The following MAGI2 variants were observed in gnomAD, a reference collection of about 807,000 sequenced individuals.
MAGI2 encodes the protein membrane-associated guanylate kinase, WW and PDZ domain-containing protein 2.
Under a neutral mutation model 133.3 loss-of-function variants are expected in MAGI2, and 35 were observed. That is an observed-to-expected ratio of 0.26 (90% CI 0.20 to 0.35). The LOEUF is 0.35. Ranked by LOEUF, MAGI2 falls within the 10% of genes least tolerant of loss-of-function variation. The pLI is 1.00. For synonymous variants in MAGI2, 729 were observed against 710.6 expected (o/e 1.03, Z -0.41); for missense variants, 1,636 against 1,863.4 (o/e 0.88, Z 2.25).
intron 10 of MAGI2, among the ~76,000 whole-genome samples, chr7:78,237,223 T>A (rs1159610254): frequency 1.3e-5 from 2 of 152,198 alleles, no homozygotes; most frequent in African/African-American, 4.8e-5. Context: ...AACAAATAGA[T>A]ATATTCATCC....
intron 1 of MAGI2, among the ~76,000 whole-genome samples, chr7:79,138,029 C>T (rs1172696000): frequency 6.6e-6 from 1 of 152,060 alleles, no homozygotes; most frequent in Non-Finnish European, 1.5e-5. Flanking sequence ...GACTGCAGGC[C>T]AAGTAATGTA....
chr7:79,409,383 T>C (rs557034791), intron 1 of MAGI2, among the ~76,000 whole-genome samples: 4 of 152,066 alleles, frequency 2.6e-5, no homozygotes, highest in Admixed American at 1.3e-4. Context: ...CCTCAGCCTC[T>C]CGAGTAGCTG....
intron 1 of MAGI2, among the ~76,000 whole-genome samples, chr7:79,116,890 G>A (rs1819459500): frequency 6.6e-6 from 1 of 152,122 alleles, no homozygotes. Context: ...TCACCAGAAA[G>A]ACACTAGCAC....
chr7:79,275,540 G>T (rs1835168572), intron 1 of MAGI2, among the ~76,000 whole-genome samples: 1 of 152,190 alleles, frequency 6.6e-6, no homozygotes, highest in Non-Finnish European at 1.5e-5. Context: ...TGAAGCTGCA[G>T]CAAGTTATCT....
chr7:78,985,049 A>C (rs1444692817), intron 2 of MAGI2, among the ~76,000 whole-genome samples: 2 of 150,118 alleles, frequency 1.3e-5, no homozygotes, highest in Non-Finnish European at 3.0e-5. Context: ...TTGTCCAGAC[A>C]GGAATGCAGT....
intron 2 of MAGI2, among the ~76,000 whole-genome samples, chr7:78,720,190 T>C (rs572417042): frequency 1.3e-5 from 2 of 152,274 alleles, no homozygotes; most frequent in East Asian, 3.9e-4. Context: ...GGGATAAATT[T>C]AGAAGCAACA....
At chr7:78,873,393 C>T (rs1213473606) in intron 2 of MAGI2, among the ~76,000 whole-genome samples, 1 of 152,076 alleles carries the variant, frequency 6.6e-6, no homozygotes, top group Non-Finnish European at 1.5e-5. Flanking sequence ...CCCTGACCTC[C>T]ATCTCCTGTC....
chr7:78,520,453 T>A (rs1338302403), intron 4 of MAGI2, among the ~76,000 whole-genome samples: 1 of 151,888 alleles, frequency 6.6e-6, no homozygotes, highest in Non-Finnish European at 1.5e-5. Flanking sequence ...AATATAGACA[T>A]CAAAGTGGTA....
At chr7:78,924,294 C>A (rs1436999450) in intron 2 of MAGI2, among the ~76,000 whole-genome samples, 2 of 152,054 alleles carry the variant, frequency 1.3e-5, no homozygotes, top group African/African-American at 4.8e-5. Context: ...GGAATGTTTC[C>A]AGTTGTTGCC....
At chr7:78,591,438 C>A (rs1020661693) in intron 3 of MAGI2, among the ~76,000 whole-genome samples, 1 of 152,186 alleles carries the variant, frequency 6.6e-6, no homozygotes, top group East Asian at 1.9e-4. Flanking sequence ...AGGGATGAAT[C>A]CAAGCTGGAG....
At chr7:78,885,976 G>C (rs1350846279) in intron 2 of MAGI2, among the ~76,000 whole-genome samples, 1 of 152,050 alleles carries the variant, frequency 6.6e-6, no homozygotes, top group African/African-American at 2.4e-5. Context: ...TCTCTTTAAG[G>C]GTAACAAACC....
chr7:78,966,669 C>G (rs1473642431), intron 2 of MAGI2, among the ~76,000 whole-genome samples: 1 of 151,982 alleles, frequency 6.6e-6, no homozygotes, highest in Non-Finnish European at 1.5e-5. Context: ...ATTTTGATTT[C>G]AATTCTTTTG....
At chr7:78,854,166 A>G (rs1231505914) in intron 2 of MAGI2, among the ~76,000 whole-genome samples, 1 of 152,290 alleles carries the variant, frequency 6.6e-6, no homozygotes, top group East Asian at 1.9e-4. Context: ...GCTTCATGGA[A>G]ACTATGTATA....
chr7:78,318,951 G>C (rs1442581373), intron 9 of MAGI2, among the ~76,000 whole-genome samples: 3 of 152,070 alleles, frequency 2.0e-5, no homozygotes, highest in Non-Finnish European at 4.4e-5. Flanking sequence ...TGCCTTACAA[G>C]AGCTCCTGAA....
chr7:78,060,742 G>GT (rs1340411609), intron 21 of MAGI2, among the ~76,000 whole-genome samples: 1 of 152,226 alleles, frequency 6.6e-6, no homozygotes, highest in African/African-American at 2.4e-5. Flanking sequence ...AACCCTGAAG[G>GT]TGGGGATGCA....
At chr7:79,021,151 A>G (rs544173649) in intron 1 of MAGI2, among the ~76,000 whole-genome samples, 1 of 152,320 alleles carries the variant, frequency 6.6e-6, no homozygotes, top group African/African-American at 2.4e-5. Flanking sequence ...ATGTATGGAA[A>G]CACCTGGATG....
Position 78,345,975 on chromosome 7 carries a change from T to C in MAGI2, c.1172A>G (p.Asn391Ser). Residue 391 changes from asparagine to serine, a missense_variant, in exon 8 of 22, where the codon AAC becomes AGC. Asn to Ser is a conservative substitution (Grantham distance 46). This residue lies in a region of MAGI2 where 920 missense variants were observed against 1,093.5 expected (regional missense o/e 0.84). Coordinates refer to ENST00000354212, the MANE Select transcript of MAGI2 (RefSeq NM_012301.4). The part of the protein sequence containing the change: ...LEAKRKLQQH[N>S]MPHTELGTKP... ...TGTTCCAAGTTCTGTGTGGGGCATG[T>C]TATGTTGCTGTAGCTTCCTTTTTGC... 1 of 1,614,176 alleles carries C rather than the reference T, an allele frequency of 6.2e-7. No individual in the cohort carries two copies. Among genetic ancestry groups the C allele is most frequent in the Middle Eastern group, 1.6e-4 (1 of 6,062 alleles).
intron 9 of MAGI2, among the ~76,000 whole-genome samples, chr7:78,292,349 T>C (rs1296386986): frequency 1.3e-5 from 2 of 152,120 alleles, no homozygotes; most frequent in Non-Finnish European, 2.9e-5. Context: ...TCAAAGAGAA[T>C]AAAATACCTA....
rs1814088306 is a variant in MAGI2 at position 78,669,586 on chromosome 7, C to T, written c.419-42347G>A. On this transcript the variant is annotated intron_variant, in intron 2 of 21. Coordinates refer to ENST00000354212, the MANE Select transcript of MAGI2 (RefSeq NM_012301.4). ...ACTCATTTTATGAGGCCAGCATCAT[C>T]CTGATACCAAAGCCGGGCAGAGACA... Among the ~76,000 whole-genome samples the T allele has an allele frequency of 3.3e-5, 5 of 152,220 alleles. No individual in the cohort carries two copies. The South Asian group carries it at 6.2e-4, about 19-fold the overall frequency.
Sources: allele counts gnomAD v4.1 joint callset (sites outside exome capture counted in the v4.1 genomes callset), GRCh38; gene constraint gnomAD v4.1.1; regional missense constraint gnomAD v4.1.1; transcripts MANE v1.5; gene names NCBI Gene and HGNC (gene_info 2026-07-23, HGNC 2026-07-21).